FUBP1: variants seen among roughly 807,000 people sequenced by gnomAD.
FUBP1 encodes the protein far upstream element binding protein 1.
A neutral mutation model predicts 94.9 loss-of-function variants in FUBP1; 16 were observed. That is an observed-to-expected ratio of 0.17 (90% CI 0.11 to 0.26). FUBP1 has a LOEUF of 0.26. Ranked by LOEUF, FUBP1 falls within the 10% of genes least tolerant of loss-of-function variation. The pLI is 1.00. For missense variants in FUBP1, 583 were observed against 808.6 expected, an observed-to-expected ratio of 0.72 and a Z score of 3.38; for synonymous variants, 279 against 254.9, an observed-to-expected ratio of 1.09 and a Z score of -0.90.
chr1:77,966,963 GA>G lies in FUBP1; in HGVS notation c.344-9del, dbSNP rs71590706. 2.2e-3 allele frequency: 3,167 copies of G among 1,461,316 alleles called. 1 individual carries two copies. The highest frequency in any genetic ancestry group is 2.5e-3 in the Non-Finnish European group (2,623 of 1,066,346). The allele number at this position is 1,461,316 out of a possible 1,614,324, so 90.5% of individuals were successfully genotyped here. A position where few individuals can be genotyped will look rare whatever the true frequency, so the allele number is the denominator to read the frequency against. On this transcript the variant is annotated splice_polypyrimidine_tract_variant and intron_variant, in intron 5 of 19. Transcript: ENST00000370768. ...CACCTCCTCTGCCAATTACTAGTTA[GA>G]AAAAAAAAAATTTTTTTTTTGGTTG...
Position 77,966,956 on chromosome 1 carries a change from CTAGT to C in FUBP1, c.344-5_344-2del. On this transcript the variant is annotated splice_acceptor_variant and splice_polypyrimidine_tract_variant and intron_variant, in intron 5 of 19. Coordinates refer to ENST00000370768, the MANE Select transcript of FUBP1 (RefSeq NM_003902.5). LOFTEE classifies it high-confidence loss of function. ...ATCTGTTCACCTCCTCTGCCAATTACTAGTTAGAAAAAAAAAAATTTTTTTTTTG... is the reference window on the plus strand; with the variant it reads ...ATCTGTTCACCTCCTCTGCCAATTACTAGAAAAAAAAAAATTTTTTTTTTG... 6.3e-7 allele frequency: 1 copy of C among 1,594,814 alleles called. No individual in the cohort carries two copies. Among genetic ancestry groups the C allele is most frequent in the Non-Finnish European group, 8.6e-7 (1 of 1,165,740 alleles).
At chr1:77,960,731 A>C (rs1298744219) in intron 14 of FUBP1, 1 of 416,086 alleles carries the variant, frequency 2.4e-6, no homozygotes, top group Non-Finnish European at 4.3e-6. Context: ...AATTAAATTA[A>C]ATTTAAATTA....
At position 77,945,065 on chromosome 1, in the gene FUBP1, C is replaced by T. The variant is rs1435237865; in HGVS notation, c.*3701G>A. Among the ~76,000 whole-genome samples, 1 of 151,962 alleles carries T rather than the reference C, an allele frequency of 6.6e-6. No homozygotes were observed. The highest frequency in any genetic ancestry group is 1.5e-5 in the Non-Finnish European group (1 of 67,856). On this transcript the variant is annotated 3_prime_UTR_variant, in exon 20 of 20. Coordinates refer to ENST00000370768, the MANE Select transcript of FUBP1 (RefSeq NM_003902.5). ...CAAATCAACTGGCTCACCTTTTCTG[C>T]TTTCCATTTATTTCAGACTTAAGAT...
chr1:77,960,468 C>T lies in FUBP1; in HGVS notation c.1372G>A (p.Val458Ile), dbSNP rs1655243731. ...GGGACACCATGGGGCCCATGGGGTA[C>T]AGGTGGCCCTAAAGGATTTACTGGG... ...GGPVNPLGPP[V>I]PHGPHGVPGP... Residue 458 changes from valine (V) to isoleucine (I), a missense_variant, in exon 15 of 20, where the codon GTA becomes ATA. Physicochemically the swap from Val to Ile is conservative, Grantham distance 29. Coordinates refer to ENST00000370768, the MANE Select transcript of FUBP1 (RefSeq NM_003902.5). 1 of 1,599,732 alleles carries T rather than the reference C, an allele frequency of 6.3e-7. No homozygotes were observed.
chr1:77,945,986 T>C lies in FUBP1; in HGVS notation c.*2780A>G, dbSNP rs577894156. 1 of 202,656 alleles carries C rather than the reference T, an allele frequency of 4.9e-6. No homozygotes were observed. Among genetic ancestry groups the C allele is most frequent in the Admixed American group, 6.0e-5 (1 of 16,718 alleles). 12.6% of individuals were successfully genotyped at this position (202,656 alleles called of 1,614,324 possible). A position where few individuals can be genotyped will look rare whatever the true frequency, so the allele number is the denominator to read the frequency against. ...ATCAAAACATACTGCCTTATAACTTTTTCCTTCTTCAGCATATAACTTTTG... is the reference window on the plus strand; with the variant it reads ...ATCAAAACATACTGCCTTATAACTTCTTCCTTCTTCAGCATATAACTTTTG... On this transcript the variant is annotated 3_prime_UTR_variant, in exon 20 of 20. Coordinates refer to ENST00000370768, the MANE Select transcript of FUBP1 (RefSeq NM_003902.5).
intron 13 of FUBP1, 55 bp from the exon 14 acceptor site, chr1:77,962,985 A>T: frequency 8.0e-7 from 1 of 1,243,644 alleles, no homozygotes; most frequent in Non-Finnish European, 1.1e-6. Context: ...ACTAGGAGCT[A>T]TTTAGAAGAA....
intron 1 of FUBP1, among the ~76,000 whole-genome samples, chr1:77,978,461 G>A (rs1220802212): frequency 2.0e-5 from 3 of 152,226 alleles, no homozygotes; most frequent in Non-Finnish European, 2.9e-5. Flanking sequence ...GAGCTGTAAA[G>A]GCTACTTTAA....
At chr1:77,960,611 G>C (rs1402396243) in intron 14 of FUBP1, 116 bp from the exon 15 acceptor site, 2 of 819,714 alleles carry the variant, frequency 2.4e-6, no homozygotes, top group Admixed American at 3.7e-5. Context: ...ACAAATTTTA[G>C]GTTTTCCTTC....
In FUBP1 at chr1:77,944,711, T is replaced by A. The variant is rs902759350; in HGVS notation, c.*4055A>T. On this transcript the variant is annotated 3_prime_UTR_variant, in exon 20 of 20. Transcript: ENST00000370768. ...CACTTCTGAATGACTCCCCTTTCCC[T>A]CTGAAAGTACTCTGCTATTCCTACC... 6.6e-6 allele frequency among the ~76,000 whole-genome samples: 1 copy of A among 151,918 alleles called. No homozygotes were observed. Among genetic ancestry groups the A allele is most frequent in the African/African-American group, 2.4e-5 (1 of 41,426 alleles).
intron 1 of FUBP1, among the ~76,000 whole-genome samples, chr1:77,971,093 A>C (rs1004894452): frequency 6.6e-6 from 1 of 152,074 alleles, no homozygotes; most frequent in African/African-American, 2.4e-5. Flanking sequence ...AGTCACAAGT[A>C]GGGCACAATC....
intron 19 of FUBP1, 135 bp downstream of exon 19, chr1:77,949,020 G>T: frequency 3.1e-6 from 3 of 952,784 alleles, no homozygotes; most frequent in Non-Finnish European, 4.9e-6. Flanking sequence ...ACAATACACC[G>T]TAGTACTTCA....
At chr1:77,958,667 C>T (rs76843298) in intron 16 of FUBP1, among the ~76,000 whole-genome samples, 1 of 152,224 alleles carries the variant, frequency 6.6e-6, no homozygotes, top group Non-Finnish European at 1.5e-5. Context: ...TTCACTACTA[C>T]TCCAAGTGAG....
At chr1:77,969,192 A>G (rs1218536121) in intron 2 of FUBP1, 2 of 329,578 alleles carry the variant, frequency 6.1e-6, no homozygotes, top group South Asian at 2.6e-5. Flanking sequence ...ACACTTAAAT[A>G]AAAGGAAACC....
intron 14 of FUBP1, among the ~76,000 whole-genome samples, chr1:77,960,956 A>G (rs549248560): frequency 7.9e-5 from 12 of 152,242 alleles, no homozygotes; most frequent in African/African-American, 2.9e-4. Context: ...TGAACATTTC[A>G]CTGATAACGT....
At position 77,967,727 on chromosome 1, in the gene FUBP1, TAAC is replaced by T. The variant is rs1231772769; in HGVS notation, c.251-64_251-62del. On this transcript the variant is annotated intron_variant, in intron 3 of 19. Transcript: ENST00000370768. ...CAAAATTTAAATTTACTTATATATT[TAAC>T]AACACAATCACATCAAACATTCAAA... The T allele has an allele frequency of 6.2e-6, 6 of 971,926 alleles. No homozygotes were observed. In the African/African-American group the frequency reaches 8.1e-5, roughly 13 times the overall value. The allele number at this position is 971,926 out of a possible 1,614,324, so 60.2% of individuals were successfully genotyped here.
Position 77,947,404 on chromosome 1 carries a change from CAA to C in FUBP1, c.*1360_*1361del. On this transcript the variant is annotated 3_prime_UTR_variant, in exon 20 of 20. Transcript: ENST00000370768. ...GCATTTGCATTATGTGGAACATTGA[CAA>C]AAAGATACTGTTGCAGTTCATCAAT... 1 of 557,444 alleles carries C rather than the reference CAA, an allele frequency of 1.8e-6. No homozygotes were observed. Among genetic ancestry groups the C allele is most frequent in the Non-Finnish European group, 3.3e-6 (1 of 303,644 alleles). The allele number at this position is 557,444 out of a possible 1,614,324, so 34.5% of individuals were successfully genotyped here. A position where few individuals can be genotyped will look rare whatever the true frequency, so the allele number is the denominator to read the frequency against.
intron 14 of FUBP1, among the ~76,000 whole-genome samples, chr1:77,961,820 A>G (rs1403773742): frequency 1.3e-5 from 2 of 152,178 alleles, no homozygotes; most frequent in East Asian, 3.8e-4. Context: ...CATGGCATCA[A>G]CCTCTATCAT....
chr1:77,957,274 C>CA (rs1442818128), intron 16 of FUBP1, among the ~76,000 whole-genome samples: 2 of 152,174 alleles, frequency 1.3e-5, no homozygotes, highest in African/African-American at 4.8e-5. Context: ...TCAGGATGTT[C>CA]AAAGCTTAAG....
At chr1:77,970,058 C>G (rs750726324) in intron 1 of FUBP1, 43 bp from the exon 2 acceptor site, 1 of 939,414 alleles carries the variant, frequency 1.1e-6, no homozygotes, top group African/African-American at 1.7e-5. Context: ...CTATTATATA[C>G]TATTCATTAC....
Sources: gnomAD v4.1 joint callset for allele counts (sites outside exome capture counted in the v4.1 genomes callset) on GRCh38, gnomAD v4.1.1 for gene constraint, MANE v1.5 for transcripts, NCBI Gene and HGNC (gene_info 2026-07-23, HGNC 2026-07-21) for gene names.